Variants in CCDC60 observed in about 807,000 individuals in gnomAD.
The protein encoded by CCDC60 is coiled-coil domain containing 60.
CCDC60 carries 54 observed loss-of-function variants against 63.5 expected under a neutral mutation model. The ratio of observed to expected loss-of-function variants is 0.85; its 90% confidence interval spans 0.68 to 1.07. The LOEUF (loss-of-function observed/expected upper bound fraction) is 1.07. Ranked by LOEUF, CCDC60 falls within the 50% of genes least tolerant of loss-of-function variation. CCDC60 has a pLI of 0.00. For missense variants in CCDC60, 651 were observed against 684.3 expected, an observed-to-expected ratio of 0.95 and a Z score of 0.54; for synonymous variants, 206 against 238.8, an observed-to-expected ratio of 0.86 and a Z score of 1.27.
chr12:119,473,934 G>A (rs528228464), intron 3 of CCDC60, among the ~76,000 whole-genome samples: 2 of 152,172 alleles, frequency 1.3e-5, no homozygotes, highest in Admixed American at 1.3e-4. Context: ...AAACATGCAT[G>A]TGCAAGTGTC....
intron 1 of CCDC60, among the ~76,000 whole-genome samples, chr12:119,384,522 G>A (rs11064769): frequency 0.14 from 20,870 of 152,246 alleles, 1,727 homozygotes; most frequent in Non-Finnish European, 0.19. Context: ...AGCAGATCAA[G>A]GCTGAAAGAC....
chr12:119,505,448 CTT>C, intron 7 of CCDC60, 145 bp downstream of exon 7: 2 of 613,042 alleles, frequency 3.3e-6, no homozygotes, highest in South Asian at 4.2e-5. Context: ...CCTTGGACCT[CTT>C]TGTTTTCCCC....
chr12:119,465,990 T>G (rs1950947171), intron 2 of CCDC60, among the ~76,000 whole-genome samples: 1 of 152,200 alleles, frequency 6.6e-6, no homozygotes, highest in African/African-American at 2.4e-5. Context: ...ATATAACATT[T>G]TATTCAATGG....
intron 1 of CCDC60, among the ~76,000 whole-genome samples, chr12:119,406,316 T>A (rs1956491308): frequency 6.6e-6 from 1 of 152,118 alleles, no homozygotes; most frequent in Non-Finnish European, 1.5e-5. Flanking sequence ...CTTGCGTCTT[T>A]ATTACTATTT....
intron 11 of CCDC60, among the ~76,000 whole-genome samples, chr12:119,527,084 T>C (rs1952698382): frequency 6.6e-6 from 1 of 152,106 alleles, no homozygotes; most frequent in Non-Finnish European, 1.5e-5. Flanking sequence ...TATGCAGCCA[T>C]AAAAAAGAAT....
chr12:119,406,212 G>T (rs960123266), intron 1 of CCDC60, among the ~76,000 whole-genome samples: 14 of 151,738 alleles, frequency 9.2e-5, no homozygotes, highest in South Asian at 2.1e-4. Context: ...TATAGAGAGA[G>T]AGAGAGAGAG....
rs1053851326 is a variant in CCDC60 at position 119,469,914 on chromosome 12, A to C, written c.171-2080A>C. On this transcript the variant is annotated intron_variant, in intron 2 of 13. Transcript: ENST00000327554. ...GTTGTGGGTGTTGTTAATAGCTTTA[A>C]TAGCTGTTAATGAAAACTCAGACAT... 1.1e-4 allele frequency among the ~76,000 whole-genome samples: 16 copies of C among 152,220 alleles called. 1 individual carries two copies. The highest frequency in any genetic ancestry group is 3.9e-4 in the African/African-American group (16 of 41,450).
intron 2 of CCDC60, 116 bp downstream of exon 2, chr12:119,428,878 G>A (rs1956947631): frequency 3.1e-6 from 2 of 652,422 alleles, no homozygotes; most frequent in South Asian, 2.0e-5. Flanking sequence ...TGAACACTAA[G>A]CAGAAGACTT....
At chr12:119,446,619 C>T (rs115531063) in intron 2 of CCDC60, among the ~76,000 whole-genome samples, 2,718 of 151,994 alleles carry the variant, frequency 0.018, 83 homozygotes, top group African/African-American at 0.061. Flanking sequence ...AGAGGGAGGA[C>T]GGGAGACAGA....
chr12:119,496,915 G>GT (rs1454629524), intron 5 of CCDC60, among the ~76,000 whole-genome samples: 1 of 152,196 alleles, frequency 6.6e-6, no homozygotes. Context: ...GGTGAGCTAA[G>GT]TAAGTTAGGC....
intron 2 of CCDC60, among the ~76,000 whole-genome samples, chr12:119,430,522 C>T (rs1354811463): frequency 6.6e-6 from 1 of 151,908 alleles, no homozygotes; most frequent in Admixed American, 6.6e-5. Flanking sequence ...AAAAAATTAG[C>T]CGGGCATGGT....
At chr12:119,500,013 T>G in intron 5 of CCDC60, 65 bp from the exon 6 acceptor site, 3 of 1,138,256 alleles carry the variant, frequency 2.6e-6, no homozygotes, top group Non-Finnish European at 4.0e-6. Context: ...TTGCATTTCT[T>G]AAAAGAACTT....
intron 7 of CCDC60, among the ~76,000 whole-genome samples, chr12:119,512,658 G>T (rs1228878193): frequency 6.6e-6 from 1 of 152,228 alleles, no homozygotes; most frequent in Non-Finnish European, 1.5e-5. Context: ...CGGCCACACT[G>T]CTCTCTGTTC....
chr12:119,443,272 G>A (rs921769262), intron 2 of CCDC60, among the ~76,000 whole-genome samples: 1 of 152,078 alleles, frequency 6.6e-6, no homozygotes, highest in African/African-American at 2.4e-5. Context: ...CAATACAGAT[G>A]GAAACTTCTA....
At chr12:119,448,007 TG>T (rs893643796) in intron 2 of CCDC60, 8 of 114,602 alleles carry the variant, frequency 7.0e-5, no homozygotes, top group Non-Finnish European at 1.3e-4. Flanking sequence ...CGGGGTGGGG[TG>T]GGGGAGGGAT....
At position 119,400,142 on chromosome 12, in the gene CCDC60, G is replaced by C. The variant is rs113285865; in HGVS notation, c.91-28541G>C. ...TCAGCTCACTGCAACCTCCGCCTCC[G>C]GGGTTCACACCATTCTCCTGCCTCA... On this transcript the variant is annotated intron_variant, in intron 1 of 13. Coordinates refer to ENST00000327554, the MANE Select transcript of CCDC60 (RefSeq NM_178499.5). Among the ~76,000 whole-genome samples the C allele has an allele frequency of 1.1e-3, 163 of 148,688 alleles. 1 individual carries two copies. The highest frequency in any genetic ancestry group is 3.9e-3 in the African/African-American group (158 of 40,090).
At chr12:119,393,359 C>T (rs1956194418) in intron 1 of CCDC60, among the ~76,000 whole-genome samples, 2 of 152,210 alleles carry the variant, frequency 1.3e-5, no homozygotes, top group Admixed American at 1.3e-4. Flanking sequence ...TTCACAATAG[C>T]ATCCAAGAGT....
At chr12:119,391,399 C>G (rs1361908590) in intron 1 of CCDC60, among the ~76,000 whole-genome samples, 1 of 152,200 alleles carries the variant, frequency 6.6e-6, no homozygotes, top group Non-Finnish European at 1.5e-5. Flanking sequence ...CAGACAATAC[C>G]TTAATGTCTT....
At chr12:119,402,344 T>C (rs933894996) in intron 1 of CCDC60, 1 of 152,222 alleles carries the variant, frequency 6.6e-6, no homozygotes, top group Non-Finnish European at 1.5e-5. Flanking sequence ...AAGGAGAGGA[T>C]CGTGTATTCT....
Sources: allele counts gnomAD v4.1 joint callset (sites outside exome capture counted in the v4.1 genomes callset), GRCh38; gene constraint gnomAD v4.1.1; transcripts MANE v1.5; gene names NCBI Gene and HGNC (gene_info 2026-07-23, HGNC 2026-07-21).